The following CNTN5 variants were observed in gnomAD, a reference collection of about 807,000 sequenced individuals.
CNTN5 encodes the protein contactin-5.
Under a neutral mutation model 129.1 loss-of-function variants are expected in CNTN5, and 77 were observed. The ratio of observed to expected loss-of-function variants is 0.60; its 90% CI spans 0.50 to 0.72. CNTN5 has a LOEUF of 0.72. Ranked by LOEUF, CNTN5 falls within the 30% of genes least tolerant of loss-of-function variation. CNTN5 has a pLI of 0.00. For synonymous variants in CNTN5, 509 were observed against 465.6 expected (o/e 1.09, Z -1.20); for missense variants, 1,478 against 1,328.8 (o/e 1.11, Z -1.75).
intron 3 of CNTN5, among the ~76,000 whole-genome samples, chr11:99,709,962 A>G (rs140614570): frequency 3.3e-5 from 5 of 151,900 alleles, no homozygotes; most frequent in African/African-American, 1.2e-4. Flanking sequence ...TACATTTGTG[A>G]TTTCTGCATA....
chr11:100,297,739 T>C, intron 19 of CNTN5, 44 bp downstream of exon 19: 1 of 1,393,336 alleles, frequency 7.2e-7, no homozygotes, highest in Non-Finnish European at 1.0e-6. Flanking sequence ...ACGTGTTTGT[T>C]TGGCTTAGTG....
At chr11:100,336,531 A>C (rs1952042016) in intron 21 of CNTN5, among the ~76,000 whole-genome samples, 1 of 152,234 alleles carries the variant, frequency 6.6e-6, no homozygotes, top group Non-Finnish European at 1.5e-5. Context: ...GAAGATATTA[A>C]AATGATAAGC....
At chr11:99,554,123 A>T (rs1038004355) in intron 2 of CNTN5, among the ~76,000 whole-genome samples, 1 of 152,038 alleles carries the variant, frequency 6.6e-6, no homozygotes, top group African/African-American at 2.4e-5. Flanking sequence ...ATACTTAAAG[A>T]TTATTTCATA....
chr11:99,506,320 A>G (rs1362590478), intron 2 of CNTN5, among the ~76,000 whole-genome samples: 3 of 152,214 alleles, frequency 2.0e-5, no homozygotes, highest in Admixed American at 6.5e-5. Context: ...TCTCTTTTTA[A>G]TGGCATGAGA....
intron 13 of CNTN5, among the ~76,000 whole-genome samples, chr11:100,135,341 A>G (rs577884921): frequency 1.2e-3 from 176 of 151,964 alleles, no homozygotes; most frequent in African/African-American, 4.1e-3. Context: ...ATGCCCAGCT[A>G]ATTTTTTATA....
chr11:99,966,354 C>T (rs1228821408), intron 8 of CNTN5, among the ~76,000 whole-genome samples: 1 of 152,112 alleles, frequency 6.6e-6, no homozygotes, highest in East Asian at 1.9e-4. Flanking sequence ...AATTTATCCC[C>T]AGAGAGCAGG....
intron 1 of CNTN5, among the ~76,000 whole-genome samples, chr11:99,294,331 T>A (rs1864295064): frequency 1.3e-5 from 2 of 152,202 alleles, no homozygotes; most frequent in African/African-American, 4.8e-5. Flanking sequence ...TGCAGTATAC[T>A]AACTCAGTGT....
chr11:99,091,664 T>A (rs1032227381), intron 1 of CNTN5, among the ~76,000 whole-genome samples: 1 of 152,158 alleles, frequency 6.6e-6, no homozygotes, highest in African/African-American at 2.4e-5. Flanking sequence ...GGGATGCTGC[T>A]TAGAGCAGAG....
chr11:100,074,157 T>C lies in CNTN5; in HGVS notation c.1443T>C (p.Thr481=), dbSNP rs575777553. The C allele has an allele frequency of 1.1e-5, 17 of 1,612,268 alleles. No individual in the cohort carries two copies. In the South Asian group the frequency reaches 1.5e-4, roughly 15 times the overall value. The part of the protein sequence containing the change: ...AELKILASAP[T]FALNQLKKTI... ...CTTTTTTAATAGCTTCAGCTCCCAC[T>C]TTTGCACTGAATCAACTGAAGAAAA... is the stretch of plus-strand genomic sequence containing the variant. The change falls in exon 13 of 25, where the codon ACT becomes ACC. Residue 481 remains threonine (T), a synonymous_variant. Coordinates refer to ENST00000524871, the MANE Select transcript of CNTN5 (RefSeq NM_014361.4).
intron 6 of CNTN5, among the ~76,000 whole-genome samples, chr11:99,873,566 G>C (rs532521489): frequency 8.5e-5 from 13 of 152,124 alleles, no homozygotes; most frequent in African/African-American, 3.1e-4. Flanking sequence ...ACAAACAACA[G>C]ATATTGGCAT....
rs576200876 is a variant in CNTN5 at position 99,541,609 on chromosome 11, A to G, written c.-70-14536A>G. 3.8e-4 allele frequency among the ~76,000 whole-genome samples: 58 copies of G among 152,240 alleles called. 1 individual carries two copies. In the South Asian group the frequency reaches 0.01, roughly 27 times the overall value. Reference sequence around the variant, plus strand: ...AGGGAAATCCTCAAATCATGTTTTGATGTGATGAATTCTGGGTCAAGGTTT... The same window carrying G: ...AGGGAAATCCTCAAATCATGTTTTGGTGTGATGAATTCTGGGTCAAGGTTT... On this transcript the variant is annotated intron_variant, in intron 2 of 24. Transcript: ENST00000524871.
intron 1 of CNTN5, among the ~76,000 whole-genome samples, chr11:99,288,598 A>G (rs760242902): frequency 9.2e-5 from 14 of 151,838 alleles, no homozygotes; most frequent in Non-Finnish European, 1.6e-4. Context: ...GATGATGACT[A>G]CAGCTTTAAT....
intron 2 of CNTN5, among the ~76,000 whole-genome samples, chr11:99,392,305 T>C (rs1012931257): frequency 7.2e-5 from 11 of 151,838 alleles, no homozygotes; most frequent in Admixed American, 5.9e-4. Flanking sequence ...GTTACTGTGC[T>C]GAATGGAAGA....
Position 100,337,115 on chromosome 11 carries a change from C to T in CNTN5, c.2731-3348C>T. ...ATCAGACATGCAGAGAAGACTTCAACCAACATTGTTTACAAAATAGATGAC... is the reference window on the plus strand; with the variant it reads ...ATCAGACATGCAGAGAAGACTTCAATCAACATTGTTTACAAAATAGATGAC... On this transcript the variant is annotated intron_variant, in intron 21 of 24. Coordinates refer to ENST00000524871, the MANE Select transcript of CNTN5 (RefSeq NM_014361.4). 7.1e-6 allele frequency: 10 copies of T among 1,410,400 alleles called. No homozygotes were observed. In the South Asian group the frequency reaches 9.2e-5, roughly 13 times the overall value. The allele number at this position is 1,410,400 out of a possible 1,614,324, so 87.4% of individuals were successfully genotyped here. A position where few individuals can be genotyped will look rare whatever the true frequency, so the allele number is the denominator to read the frequency against.
intron 3 of CNTN5, among the ~76,000 whole-genome samples, chr11:99,595,023 T>C (rs182880318): frequency 7.9e-5 from 12 of 152,004 alleles, no homozygotes; most frequent in Admixed American, 3.3e-4. Context: ...TTCCTGAAAG[T>C]AGAGAGTAGG....
At chr11:99,994,253 T>C (rs1203653194) in intron 8 of CNTN5, among the ~76,000 whole-genome samples, 1 of 152,158 alleles carries the variant, frequency 6.6e-6, no homozygotes, top group East Asian at 1.9e-4. Flanking sequence ...TATCAGTCAA[T>C]AGTGTCATTA....
In CNTN5 at chr11:99,732,746, T is replaced by G. The variant is rs142329460; in HGVS notation, c.56-86798T>G. Among the ~76,000 whole-genome samples, 737 of 152,268 alleles carry G rather than the reference T, an allele frequency of 4.8e-3. 7 individuals carry two copies. The highest frequency in any genetic ancestry group is 0.012 in the East Asian group (61 of 5,166). On this transcript the variant is annotated intron_variant, in intron 3 of 24. Transcript: ENST00000524871. ...TAAAGTGGGAATCACTGAAAACATT[T>G]TAGTAAGAAAGGGATGTTATTAAAA... is the stretch of plus-strand genomic sequence containing the variant.
intron 2 of CNTN5, among the ~76,000 whole-genome samples, chr11:99,433,385 G>A (rs1472995826): frequency 2.8e-4 from 14 of 50,646 alleles, no homozygotes; most frequent in African/African-American, 8.0e-4. Flanking sequence ...GTGTGTGTGT[G>A]TGTGTGTGTG....
chr11:99,492,706 AATGTC>A (rs1337689336), intron 2 of CNTN5, among the ~76,000 whole-genome samples: 1 of 152,200 alleles, frequency 6.6e-6, no homozygotes, highest in Non-Finnish European at 1.5e-5. Flanking sequence ...AAATTCATTC[AATGTC>A]ATGTTTACAT....
Sources: allele counts gnomAD v4.1 joint callset (sites outside exome capture counted in the v4.1 genomes callset), GRCh38; gene constraint gnomAD v4.1.1; transcripts MANE v1.5; gene names NCBI Gene and HGNC (gene_info 2026-07-23, HGNC 2026-07-21).